Variants in PDIA3 observed in about 807,000 individuals in gnomAD.
PDIA3 encodes protein disulfide-isomerase A3.
Under a neutral mutation model 56.9 loss-of-function variants are expected in PDIA3, and 16 were observed. That is an observed-to-expected ratio of 0.28 (90% confidence interval 0.19 to 0.43). The LOEUF is 0.43. Among genes scored for constraint, PDIA3 ranks in the 20% least tolerant of loss-of-function variants. The probability of loss-of-function intolerance (pLI) is 1.00; values close to 1 mark genes in which losing one functional copy is unlikely to be tolerated. For synonymous variants in PDIA3, 192 were observed against 216.5 expected (o/e 0.89, Z 0.99); for missense variants, 485 against 621.3 (o/e 0.78, Z 2.33).
At chr15:43,765,797 C>A in intron 6 of PDIA3, 90 bp from the exon 7 acceptor site, 1 of 1,373,116 alleles carries the variant, frequency 7.3e-7, no homozygotes, top group South Asian at 1.3e-5. Context: ...AATCTCTTTC[C>A]TTCATAAATG....
intron 5 of PDIA3, among the ~76,000 whole-genome samples, chr15:43,763,556 T>A (rs1300921381): frequency 1.3e-5 from 2 of 152,136 alleles, no homozygotes; most frequent in Non-Finnish European, 2.9e-5. Flanking sequence ...CCCAGCTGAA[T>A]TGGTCATTTT....
chr15:43,753,915 G>A lies in PDIA3; in HGVS notation c.246+13G>A. 1 of 1,576,034 alleles carries A rather than the reference G, an allele frequency of 6.3e-7. No individual in the cohort carries two copies. Among genetic ancestry groups the A allele is most frequent in the Non-Finnish European group, 8.7e-7 (1 of 1,145,710 alleles). On this transcript the variant is annotated intron_variant, in intron 2 of 12. Transcript: ENST00000300289. ...CCCATTAGCAAAGGTAAGTACAGGT[G>A]GATTCTTCACTAAAGGACGTGAAGT...
intron 1 of PDIA3, 48 bp from the exon 2 acceptor site, chr15:43,753,776 A>C (rs1199875265): frequency 1.5e-6 from 2 of 1,304,664 alleles, no homozygotes. Flanking sequence ...AACATTAACA[A>C]ATTCATAGGA....
intron 5 of PDIA3, among the ~76,000 whole-genome samples, chr15:43,765,169 A>G (rs773253712): frequency 1.3e-5 from 2 of 152,156 alleles, no homozygotes; most frequent in Non-Finnish European, 2.9e-5. Context: ...TGAGCCTGGG[A>G]GTTCAAGACC....
At chr15:43,758,716 C>A (rs946395388) in intron 3 of PDIA3, among the ~76,000 whole-genome samples, 1 of 151,378 alleles carries the variant, frequency 6.6e-6, no homozygotes. Context: ...TAGCTCATGA[C>A]TGTAATCCCA....
chr15:43,747,971 T>C (rs1309460896), intron 1 of PDIA3, among the ~76,000 whole-genome samples: 1 of 152,216 alleles, frequency 6.6e-6, no homozygotes, highest in Non-Finnish European at 1.5e-5. Context: ...ATAGTTCTTA[T>C]ACATCTCTGG....
At chr15:43,763,880 AG>A (rs1166624555) in intron 5 of PDIA3, among the ~76,000 whole-genome samples, 2 of 152,170 alleles carry the variant, frequency 1.3e-5, no homozygotes, top group Non-Finnish European at 2.9e-5. Flanking sequence ...TATTCCAGAT[AG>A]AGCACCAGGA....
intron 5 of PDIA3, among the ~76,000 whole-genome samples, chr15:43,764,703 G>A (rs1157189088): frequency 6.6e-6 from 1 of 152,066 alleles, no homozygotes; most frequent in Non-Finnish European, 1.5e-5. Flanking sequence ...CCTGACCTGA[G>A]GTGATCTGTC....
At chr15:43,757,909 C>A (rs895027989) in intron 3 of PDIA3, among the ~76,000 whole-genome samples, 6 of 150,394 alleles carry the variant, frequency 4.0e-5, no homozygotes, top group Non-Finnish European at 5.9e-5. Context: ...TATGGATAAC[C>A]ATCTCATACC....
In PDIA3 at chr15:43,754,299, C is replaced by T. The variant is rs866078115; in HGVS notation, c.246+397C>T. On this transcript the variant is annotated intron_variant, in intron 2 of 12. Coordinates refer to ENST00000300289, the MANE Select transcript of PDIA3 (RefSeq NM_005313.5). ...GTCCCAGCTACTCAGGAGACTGAGG[C>T]AGGAGAATTGCTTGAACCCAGGAGA... Among the ~76,000 whole-genome samples, 22 of 148,020 alleles carry T rather than the reference C, an allele frequency of 1.5e-4. No homozygotes were observed. The Admixed American group carries it at 1.5e-3, about 10-fold the overall frequency.
chr15:43,771,619 G>C lies in PDIA3; in HGVS notation c.*401G>C. On this transcript the variant is annotated 3_prime_UTR_variant, in exon 13 of 13. Transcript: ENST00000300289. ...GTTCAATAGAGCTTTCTTCAGTGAT[G>C]GAAATGCTCTGTAATCTACACTGTT... 1 of 407,594 alleles carries C rather than the reference G, an allele frequency of 2.5e-6. No individual in the cohort carries two copies. The highest frequency in any genetic ancestry group is 4.3e-6 in the Non-Finnish European group (1 of 231,938). 25.2% of individuals were successfully genotyped at this position (407,594 alleles called of 1,614,324 possible). A position where few individuals can be genotyped will look rare whatever the true frequency, so the allele number is the denominator to read the frequency against.
intron 6 of PDIA3, 34 bp downstream of exon 6, chr15:43,765,600 T>G: frequency 7.7e-7 from 1 of 1,304,628 alleles, no homozygotes; most frequent in Non-Finnish European, 1.1e-6. Flanking sequence ...CTGGGATTTA[T>G]TTGCTTGATT....
chr15:43,760,383 C>A (rs2086806630), intron 3 of PDIA3, among the ~76,000 whole-genome samples: 1 of 127,202 alleles, frequency 7.9e-6, no homozygotes, highest in South Asian at 2.8e-4. Context: ...AGAAGGAGAC[C>A]CTGTCTCAAA....
At chr15:43,764,789 G>GA (rs1318824021) in intron 5 of PDIA3, among the ~76,000 whole-genome samples, 1 of 152,108 alleles carries the variant, frequency 6.6e-6, no homozygotes, top group Non-Finnish European at 1.5e-5. Context: ...CTAAAGGTTT[G>GA]AAAATCTACT....
chr15:43,765,145 A>T (rs1415005791), intron 5 of PDIA3, among the ~76,000 whole-genome samples: 2 of 152,154 alleles, frequency 1.3e-5, no homozygotes, highest in African/African-American at 4.8e-5. Context: ...GGAGGCTGAG[A>T]TGGGAGGATC....
chr15:43,763,311 G>A (rs1243260579), intron 5 of PDIA3, 105 bp downstream of exon 5: 2 of 1,289,838 alleles, frequency 1.6e-6, no homozygotes, highest in African/African-American at 2.9e-5. Flanking sequence ...GGAGTGCAGT[G>A]GTGCAATCTC....
rs751010940 is a variant in PDIA3, at chr15:43,756,787, T to G, written c.364+21T>G. The G allele has an allele frequency of 7.2e-6, 9 of 1,252,602 alleles. No homozygotes were observed. In the East Asian group the frequency reaches 2.1e-4, roughly 29 times the overall value. The allele number at this position is 1,252,602 out of a possible 1,614,324, so 77.6% of individuals were successfully genotyped here. On this transcript the variant is annotated intron_variant, in intron 3 of 12. Transcript: ENST00000300289. ...TGCTGGTAAGGATCCTGAATTACATTCTGGAAACTGATGTTAAGTACCTTA... is the reference window on the plus strand; with the variant it reads ...TGCTGGTAAGGATCCTGAATTACATGCTGGAAACTGATGTTAAGTACCTTA...
At chr15:43,762,482 G>T (rs2086822733) in intron 4 of PDIA3, among the ~76,000 whole-genome samples, 2 of 148,256 alleles carry the variant, frequency 1.3e-5, no homozygotes, top group South Asian at 4.2e-4. Context: ...TTGTACTCCA[G>T]CCTGGGCAAC....
chr15:43,747,860 A>G (rs2086717209), intron 1 of PDIA3, among the ~76,000 whole-genome samples: 1 of 152,214 alleles, frequency 6.6e-6, no homozygotes. Context: ...CACCTGAATC[A>G]GAATGATGTG....
Sources: allele counts gnomAD v4.1 joint callset (sites outside exome capture counted in the v4.1 genomes callset), GRCh38; gene constraint gnomAD v4.1.1; transcripts MANE v1.5; gene names NCBI Gene and HGNC (gene_info 2026-07-23, HGNC 2026-07-21).